Variants in CPVL observed in about 807,000 individuals in gnomAD.
CPVL encodes carboxypeptidase vitellogenic like, also known as probable serine carboxypeptidase CPVL.
CPVL carries 51 observed loss-of-function variants against 63.7 expected under a neutral mutation model. The observed-to-expected ratio is 0.80, with a 90% confidence interval of 0.64 to 1.01. The LOEUF (loss-of-function observed/expected upper bound fraction) is 1.01. CPVL is among the 50% of genes least tolerant of loss of function. The pLI is 0.00. For synonymous variants in CPVL, 195 were observed against 206.0 expected (o/e 0.95, Z 0.46); for missense variants, 530 against 573.1 (o/e 0.92, Z 0.77).
chr7:29,000,175 T>A (rs966786155), intron 12 of CPVL, among the ~76,000 whole-genome samples: 1 of 152,182 alleles, frequency 6.6e-6, no homozygotes, highest in African/African-American at 2.4e-5. Context: ...TTCCACTTTA[T>A]TTTTTAGAAA....
upstream of CPVL, among the ~76,000 whole-genome samples, chr7:29,150,850 G>T (rs1163364451): frequency 6.6e-6 from 1 of 152,140 alleles, no homozygotes; most frequent in East Asian, 1.9e-4. Flanking sequence ...AAATGTCACA[G>T]CCCCCATGCA....
chr7:29,177,807 A>T lies in CPVL; in HGVS notation c.-11+3483T>A, dbSNP rs147987274. Among the ~76,000 whole-genome samples the T allele has an allele frequency of 5.3e-3, 813 of 152,042 alleles. 1 individual carries two copies. The highest frequency in any genetic ancestry group is 9.5e-3 in the Non-Finnish European group (648 of 67,992). On this transcript the variant is annotated intron_variant, in intron 5 of 16. Transcript: ENST00000409850. ...CACCTATCTATCTGTTCTTTCATTCATTCACTTTATAACCAAAATCTTTTT... is the reference window on the plus strand; with the variant it reads ...CACCTATCTATCTGTTCTTTCATTCTTTCACTTTATAACCAAAATCTTTTT...
At chr7:29,183,106 C>T (rs565244313) in intron 4 of CPVL, among the ~76,000 whole-genome samples, 26 of 120,944 alleles carry the variant, frequency 2.1e-4, no homozygotes, top group South Asian at 7.8e-4. Flanking sequence ...TTTTTTGAAA[C>T]GGAGTTTCGC....
At chr7:29,033,953 G>C (rs1788271350) in intron 11 of CPVL, among the ~76,000 whole-genome samples, 2 of 152,140 alleles carry the variant, frequency 1.3e-5, no homozygotes, top group African/African-American at 4.8e-5. Context: ...TCACTTGTTT[G>C]TACTCTAATT....
At chr7:29,192,782 A>G (rs1178776034) in intron 1 of CPVL, 2 of 152,236 alleles carry the variant, frequency 1.3e-5, no homozygotes, top group African/African-American at 2.4e-5. Context: ...GCTAAGTGAC[A>G]GAACCAGAGT....
At chr7:29,045,652 T>C (rs1038662186) in intron 11 of CPVL, among the ~76,000 whole-genome samples, 2 of 152,210 alleles carry the variant, frequency 1.3e-5, no homozygotes, top group African/African-American at 4.8e-5. Context: ...AAAGTCCAAC[T>C]AACAGTTGAA....
chr7:29,155,179 A>G lies in CPVL; in HGVS notation c.-11+26111T>C, dbSNP rs185351274. Among the ~76,000 whole-genome samples the G allele has an allele frequency of 4.3e-3, 659 of 152,298 alleles. 6 individuals are homozygous for G. The highest frequency in any genetic ancestry group is 0.015 in the African/African-American group (620 of 41,572). On this transcript the variant is annotated intron_variant, in intron 5 of 16. Transcript: ENST00000409850. The stretch of plus-strand genomic sequence containing the variant: ...ATTTGGGTGGGGACACAGCCAAACC[A>G]TATCACTCCATCTCAAAAAAATAAA...
At chr7:29,155,841 G>A (rs1351097285) in intron 5 of CPVL, among the ~76,000 whole-genome samples, 1 of 152,096 alleles carries the variant, frequency 6.6e-6, no homozygotes, top group African/African-American at 2.4e-5. Flanking sequence ...GGAAAGGCGA[G>A]GACATTTCTA....
chr7:29,051,045 C>T (rs1790105603), intron 11 of CPVL, among the ~76,000 whole-genome samples: 1 of 152,120 alleles, frequency 6.6e-6, no homozygotes, highest in African/African-American at 2.4e-5. Context: ...AATTGGCTAG[C>T]CACATGCAGG....
chr7:29,079,747 C>T (rs1034371166), intron 7 of CPVL, among the ~76,000 whole-genome samples: 2 of 152,176 alleles, frequency 1.3e-5, no homozygotes, highest in African/African-American at 2.4e-5. Context: ...CTTCTAGAAT[C>T]GCTCTCCCAC....
At chr7:29,013,528 A>G (rs1437414678) in intron 12 of CPVL, among the ~76,000 whole-genome samples, 2 of 152,258 alleles carry the variant, frequency 1.3e-5, no homozygotes, top group Non-Finnish European at 2.9e-5. Context: ...AGGCAGATAT[A>G]AGACATAATT....
intron 1 of CPVL, among the ~76,000 whole-genome samples, chr7:29,144,870 C>T (rs1792299854): frequency 6.6e-6 from 1 of 152,236 alleles, no homozygotes; most frequent in African/African-American, 2.4e-5. Flanking sequence ...AGTCAAAACC[C>T]ACCTATTTCT....
chr7:29,047,169 G>C (rs1466739986), intron 11 of CPVL, among the ~76,000 whole-genome samples: 1 of 152,252 alleles, frequency 6.6e-6, no homozygotes, highest in African/African-American at 2.4e-5. Context: ...ATCTTTGGTG[G>C]AGTGGGCCTG....
chr7:29,163,939 T>G (rs77774949), intron 5 of CPVL, among the ~76,000 whole-genome samples: 4,597 of 152,322 alleles, frequency 0.03, 253 homozygotes, highest in African/African-American at 0.1. Context: ...TCTGGGTTGT[T>G]CCCAGCTTTT....
At chr7:29,147,090 G>A (rs1792834485), upstream of CPVL, 1 of 1,305,346 alleles carries the variant, frequency 7.7e-7, no homozygotes, top group African/African-American at 1.5e-5. Context: ...AACTAAGTGA[G>A]GTTAAGTAAC....
rs564829015 is a variant in CPVL, at chr7:29,059,694, A to G, written c.1137+4367T>C. Reference sequence around the variant, plus strand: ...GGGTATACAAGAAAAGTCCCTCAACATAATAAAGGTCATTTACAAGTGACC... The same window carrying G: ...GGGTATACAAGAAAAGTCCCTCAACGTAATAAAGGTCATTTACAAGTGACC... On this transcript the variant is annotated intron_variant, in intron 11 of 12. Transcript: ENST00000265394. Among the ~76,000 whole-genome samples, 3 of 152,292 alleles carry G rather than the reference A, an allele frequency of 2.0e-5. No homozygotes were observed. The South Asian group carries it at 6.2e-4, about 32-fold the overall frequency.
At chr7:29,061,558 T>A (rs1339734728) in intron 11 of CPVL, among the ~76,000 whole-genome samples, 1 of 152,222 alleles carries the variant, frequency 6.6e-6, no homozygotes, top group Non-Finnish European at 1.5e-5. Flanking sequence ...TTCTCCTTTA[T>A]CAGTCAAAAC....
At chr7:29,157,541 T>G (rs1392388126) in intron 5 of CPVL, among the ~76,000 whole-genome samples, 1 of 152,216 alleles carries the variant, frequency 6.6e-6, no homozygotes, top group Non-Finnish European at 1.5e-5. Context: ...TTCAGACTGA[T>G]GCACAACTAC....
At chr7:29,082,780 TGTGAAA>T (rs1784860563) in intron 7 of CPVL, among the ~76,000 whole-genome samples, 1 of 152,230 alleles carries the variant, frequency 6.6e-6, no homozygotes, top group Non-Finnish European at 1.5e-5. Context: ...ACAAGGCAGA[TGTGAAA>T]TAACCAAGTC....
Sources: allele counts gnomAD v4.1 joint callset (sites outside exome capture counted in the v4.1 genomes callset), GRCh38; gene constraint gnomAD v4.1.1; transcripts MANE v1.5; gene names NCBI Gene and HGNC (gene_info 2026-07-23, HGNC 2026-07-21).